The following KHDRBS2 variants were observed in gnomAD, a reference collection of about 807,000 sequenced individuals.
KHDRBS2 encodes KH domain-containing, RNA-binding, signal transduction-associated protein 2.
A neutral mutation model predicts 44.3 loss-of-function variants in KHDRBS2; 26 were observed. That is an observed-to-expected ratio of 0.59 (90% CI 0.43 to 0.81). The LOEUF is 0.81. Among genes scored for constraint, KHDRBS2 ranks in the 40% least tolerant of loss-of-function variants. KHDRBS2 has a pLI of 0.00. For synonymous variants in KHDRBS2, 194 were observed against 151.1 expected (o/e 1.28, Z -2.08); for missense variants, 476 against 433.1 (o/e 1.10, Z -0.88).
intron 2 of KHDRBS2, among the ~76,000 whole-genome samples, chr6:62,049,680 G>T (rs1788547707): frequency 6.6e-6 from 1 of 152,044 alleles, no homozygotes; most frequent in Admixed American, 6.6e-5. Flanking sequence ...ACCTTTGTCA[G>T]ATAGGTAGAT....
the KHDRBS2 span, among the ~76,000 whole-genome samples, chr6:61,550,481 T>C: frequency 4.6e-5 from 7 of 152,194 alleles, no homozygotes; most frequent in East Asian, 5.8e-4. Flanking sequence ...GTTATTGTGA[T>C]AGTGCTGCAA....
chr6:62,219,761 T>A (rs1019325062), intron 1 of KHDRBS2, among the ~76,000 whole-genome samples: 4 of 149,264 alleles, frequency 2.7e-5, no homozygotes, highest in Admixed American at 2.0e-4. Flanking sequence ...CATCTTTAAT[T>A]TATTTTCAAG....
the KHDRBS2 span, among the ~76,000 whole-genome samples, chr6:61,559,826 C>T: frequency 2.6e-5 from 4 of 152,150 alleles, no homozygotes; most frequent in Non-Finnish European, 4.4e-5. Context: ...AGTCTTTCTG[C>T]ATAACATATG....
chr6:61,961,491 A>C (rs1768712513), intron 4 of KHDRBS2, among the ~76,000 whole-genome samples: 1 of 152,062 alleles, frequency 6.6e-6, no homozygotes, highest in Non-Finnish European at 1.5e-5. Flanking sequence ...AAGAGACAGT[A>C]CTACAGGGCA....
chr6:61,585,297 G>T, the KHDRBS2 span, among the ~76,000 whole-genome samples: 4 of 151,896 alleles, frequency 2.6e-5, no homozygotes, highest in Non-Finnish European at 4.4e-5. Context: ...ATAAAATAGA[G>T]AAAAATGGTA....
intron 6 of KHDRBS2, among the ~76,000 whole-genome samples, chr6:61,873,217 G>T (rs2127306479): frequency 6.6e-6 from 1 of 152,038 alleles, no homozygotes; most frequent in African/African-American, 2.4e-5. Context: ...ACAAAAGAGA[G>T]TGAAAAGATA....
chr6:61,972,149 G>C (rs1771562331), intron 4 of KHDRBS2, among the ~76,000 whole-genome samples: 1 of 152,050 alleles, frequency 6.6e-6, no homozygotes, highest in Non-Finnish European at 1.5e-5. Flanking sequence ...CTATTTGCAG[G>C]TCAGTGTTGA....
intron 1 of KHDRBS2, among the ~76,000 whole-genome samples, chr6:62,195,848 C>T (rs888035932): frequency 6.6e-6 from 1 of 152,060 alleles, no homozygotes; most frequent in African/African-American, 2.4e-5. Context: ...ACACTGAGCC[C>T]TGTTTCACAT....
At chr6:62,140,138 T>C (rs1812481165) in intron 2 of KHDRBS2, among the ~76,000 whole-genome samples, 1 of 152,226 alleles carries the variant, frequency 6.6e-6, no homozygotes, top group Admixed American at 6.5e-5. Context: ...ACTACTGTAG[T>C]TTCCAATAAA....
At chr6:61,665,745 A>G in the KHDRBS2 span, among the ~76,000 whole-genome samples, 3 of 151,342 alleles carry the variant, frequency 2.0e-5, no homozygotes, top group South Asian at 6.2e-4. Context: ...TGTGTAATAT[A>G]AAGAATACTT....
intron 3 of KHDRBS2, among the ~76,000 whole-genome samples, chr6:62,000,465 T>G (rs914695577): frequency 6.6e-6 from 1 of 151,746 alleles, no homozygotes; most frequent in Non-Finnish European, 1.5e-5. Flanking sequence ...TAAGCAACAA[T>G]GAGATCTACA....
At chr6:62,167,403 A>G (rs1251594054) in intron 2 of KHDRBS2, among the ~76,000 whole-genome samples, 3 of 152,132 alleles carry the variant, frequency 2.0e-5, no homozygotes, top group Non-Finnish European at 4.4e-5. Flanking sequence ...TTTGAAGTAC[A>G]TGGGTTGGGC....
At chr6:61,716,104 A>G (rs1771380327) in intron 7 of KHDRBS2, among the ~76,000 whole-genome samples, 1 of 151,960 alleles carries the variant, frequency 6.6e-6, no homozygotes, top group African/African-American at 2.4e-5. Flanking sequence ...GCTAAGTCAT[A>G]AAAAGTAATG....
chr6:61,816,747 G>T (rs916517453), intron 6 of KHDRBS2: 2 of 376,398 alleles, frequency 5.3e-6, no homozygotes, highest in Non-Finnish European at 1.1e-5. Context: ...GCCATATTAC[G>T]TAATGAAACA....
At chr6:61,753,028 C>A (rs1462532356) in intron 6 of KHDRBS2, among the ~76,000 whole-genome samples, 1 of 152,158 alleles carries the variant, frequency 6.6e-6, no homozygotes, top group African/African-American at 2.4e-5. Flanking sequence ...TATTCATAAG[C>A]ATTTTATTCC....
intron 6 of KHDRBS2, among the ~76,000 whole-genome samples, chr6:61,841,369 A>G (rs1426048398): frequency 6.6e-6 from 1 of 151,848 alleles, no homozygotes; most frequent in East Asian, 1.9e-4. Context: ...TACATTTATG[A>G]CATAAAATAA....
chr6:62,240,668 GTGTGTATATATATA>G lies in KHDRBS2; in HGVS notation c.91+45176_91+45189del, dbSNP rs1331992829. On this transcript the variant is annotated intron_variant, in intron 1 of 8. Transcript: ENST00000281156. ...TGTGTGTATGTGTGTATGTATGTGT[GTGTGTATATATATA>G]TATATATATATATATATATATATAT... Among the ~76,000 whole-genome samples, 38 of 66,384 alleles carry G rather than the reference GTGTGTATATATATA, an allele frequency of 5.7e-4. 1 individual carries two copies. Among genetic ancestry groups the G allele is most frequent in the African/African-American group, 1.9e-3 (38 of 20,412 alleles). The allele number at this position is 66,384 out of a possible 152,430, so 43.6% of individuals were successfully genotyped here. A position where few individuals can be genotyped will look rare whatever the true frequency, so the allele number is the denominator to read the frequency against.
intron 2 of KHDRBS2, among the ~76,000 whole-genome samples, chr6:62,055,228 C>A (rs1001775370): frequency 6.6e-5 from 10 of 151,220 alleles, no homozygotes; most frequent in African/African-American, 2.4e-4. Context: ...TTTACAAAAA[C>A]AAATATAGAA....
chr6:61,883,004 A>G (rs1000691108), intron 6 of KHDRBS2, among the ~76,000 whole-genome samples: 1 of 152,034 alleles, frequency 6.6e-6, no homozygotes. Flanking sequence ...TAGGGTGTTA[A>G]TTTTTCAGTG....
Sources: allele counts gnomAD v4.1 joint callset (sites outside exome capture counted in the v4.1 genomes callset), GRCh38; gene constraint gnomAD v4.1.1; transcripts MANE v1.5; gene names NCBI Gene and HGNC (gene_info 2026-07-23, HGNC 2026-07-21).